RBFOX1: variants seen among roughly 807,000 people sequenced by gnomAD.
RBFOX1 encodes the protein RNA binding fox-1 homolog 1, also known as RNA binding protein fox-1 homolog 1.
In RBFOX1, 8 loss-of-function variants were observed where a neutral mutation model predicts 57.7. The observed-to-expected ratio is 0.14, with a 90% CI of 0.08 to 0.25. The LOEUF (loss-of-function observed/expected upper bound fraction) is 0.25, where lower values mean the gene tolerates loss of function less well. Ranked by LOEUF, RBFOX1 falls within the 10% of genes least tolerant of loss-of-function variation. RBFOX1 has a pLI of 1.00. For missense variants in RBFOX1, 611 were observed against 548.5 expected, an observed-to-expected ratio of 1.11 and a Z score of -1.14; for synonymous variants, 326 against 222.4, an observed-to-expected ratio of 1.47 and a Z score of -4.15.
chr16:6,447,481 A>G (rs1270611196), intron 2 of RBFOX1, among the ~76,000 whole-genome samples: 1 of 152,224 alleles, frequency 6.6e-6, no homozygotes, highest in Admixed American at 6.5e-5. Context: ...ACCTAGAATG[A>G]CTTTCAATCA....
intron 2 of RBFOX1, among the ~76,000 whole-genome samples, chr16:6,359,789 G>C (rs942177395): frequency 5.3e-5 from 8 of 151,968 alleles, no homozygotes; most frequent in Non-Finnish European, 1.2e-4. Flanking sequence ...CTGTGTTTGC[G>C]ACCTGGCATC....
intron 2 of RBFOX1, among the ~76,000 whole-genome samples, chr16:6,630,617 A>G (rs1242910309): frequency 6.6e-6 from 1 of 152,190 alleles, no homozygotes; most frequent in Non-Finnish European, 1.5e-5. Flanking sequence ...GCTAGTAGGA[A>G]TCAGAAACCC....
At chr16:5,612,778 C>G (rs1286312130) in intron 3 of RBFOX1, among the ~76,000 whole-genome samples, 1 of 152,162 alleles carries the variant, frequency 6.6e-6, no homozygotes, top group Non-Finnish European at 1.5e-5. Context: ...TGAGGCCAGG[C>G]CGTGGTGAGG....
chr16:7,353,190 C>T (rs899998875), intron 4 of RBFOX1, among the ~76,000 whole-genome samples: 1 of 152,140 alleles, frequency 6.6e-6, no homozygotes, highest in Admixed American at 6.5e-5. Context: ...TTCACAAAAA[C>T]CATACTTTTC....
chr16:5,944,317 T>G (rs7202046), intron 4 of RBFOX1, among the ~76,000 whole-genome samples: 1 of 151,822 alleles, frequency 6.6e-6, no homozygotes, highest in Non-Finnish European at 1.5e-5. Context: ...GCTTTTGAGG[T>G]TCTGAACGAG....
chr16:6,111,268 A>T (rs544999637), intron 1 of RBFOX1, among the ~76,000 whole-genome samples: 1 of 152,346 alleles, frequency 6.6e-6, no homozygotes, highest in South Asian at 2.1e-4. Context: ...ATTGTTGGAC[A>T]TACAGGTCTC....
intron 1 of RBFOX1, among the ~76,000 whole-genome samples, chr16:6,173,604 C>CTTTTTTTTTTTTTTTTTTTTT (rs35528338): frequency 2.8e-5 from 2 of 70,948 alleles, no homozygotes; most frequent in Admixed American, 2.2e-4. Context: ...TGACCACTCC[C>CTTTTTTTTTTTTTTTTTTTTT]TTTTTTTTTT....
intron 1 of RBFOX1, among the ~76,000 whole-genome samples, chr16:6,244,785 G>A (rs111450788): frequency 3.1e-4 from 47 of 152,326 alleles, no homozygotes; most frequent in African/African-American, 1.1e-3. Flanking sequence ...TGGGATTACA[G>A]GCGTGAGCCA....
intron 3 of RBFOX1, among the ~76,000 whole-genome samples, chr16:6,824,868 T>C (rs920357443): frequency 2.6e-4 from 40 of 151,456 alleles, no homozygotes; most frequent in African/African-American, 9.7e-4. Context: ...ATTTCAAAAG[T>C]GAAATAATTG....
At chr16:5,736,055 G>A (rs904102073) in intron 3 of RBFOX1, among the ~76,000 whole-genome samples, 3 of 152,080 alleles carry the variant, frequency 2.0e-5, no homozygotes, top group African/African-American at 7.2e-5. Context: ...TGACCTTAGA[G>A]TTCACAGGGG....
intron 2 of RBFOX1, among the ~76,000 whole-genome samples, chr16:5,580,971 T>G (rs1160446848): frequency 6.6e-6 from 1 of 152,194 alleles, no homozygotes; most frequent in African/African-American, 2.4e-5. Flanking sequence ...TTTTCCTTTA[T>G]CTCAACTCTT....
chr16:6,131,778 T>C (rs1478940900), intron 1 of RBFOX1, among the ~76,000 whole-genome samples: 2 of 152,204 alleles, frequency 1.3e-5, no homozygotes, highest in Non-Finnish European at 2.9e-5. Context: ...ATCATAGTTA[T>C]GTAATCATCC....
At chr16:7,172,736 G>A (rs569609504) in intron 4 of RBFOX1, among the ~76,000 whole-genome samples, 3 of 152,304 alleles carry the variant, frequency 2.0e-5, no homozygotes, top group East Asian at 1.9e-4. Flanking sequence ...CTACATGGGG[G>A]CTCAGGTGGC....
intron 4 of RBFOX1, among the ~76,000 whole-genome samples, chr16:7,242,313 A>C (rs1161216023): frequency 6.6e-6 from 1 of 152,180 alleles, no homozygotes; most frequent in Non-Finnish European, 1.5e-5. Flanking sequence ...AATAAATAAT[A>C]GGCATGACAT....
At chr16:7,045,527 C>G (rs1272044902) in intron 3 of RBFOX1, among the ~76,000 whole-genome samples, 2 of 152,202 alleles carry the variant, frequency 1.3e-5, no homozygotes, top group African/African-American at 2.4e-5. Context: ...TGCCACTTCA[C>G]ATGGCACAAG....
At chr16:6,099,250 G>A (rs973355913) in intron 1 of RBFOX1, among the ~76,000 whole-genome samples, 11 of 152,204 alleles carry the variant, frequency 7.2e-5, no homozygotes, top group African/African-American at 2.7e-4. Flanking sequence ...TGTGAGTTGA[G>A]CCATAAACAT....
chr16:7,410,556 C>G (rs1299433897), intron 4 of RBFOX1, among the ~76,000 whole-genome samples: 2 of 152,166 alleles, frequency 1.3e-5, no homozygotes, highest in East Asian at 1.9e-4. Flanking sequence ...TGGTGCGTGC[C>G]TGTAATCCCA....
At chr16:6,906,209 C>A (rs1465758581) in intron 3 of RBFOX1, among the ~76,000 whole-genome samples, 4 of 151,476 alleles carry the variant, frequency 2.6e-5, no homozygotes, top group Non-Finnish European at 5.9e-5. Context: ...AGGTGCCCAT[C>A]CTATGGGCAA....
At chr16:7,446,488 A>G (rs900053274) in intron 4 of RBFOX1, among the ~76,000 whole-genome samples, 1 of 152,192 alleles carries the variant, frequency 6.6e-6, no homozygotes, top group African/African-American at 2.4e-5. Context: ...CCGCTGAGCT[A>G]TGTTTTAATG....
Sources: gnomAD v4.1 joint callset for allele counts (sites outside exome capture counted in the v4.1 genomes callset) on GRCh38, gnomAD v4.1.1 for gene constraint, MANE v1.5 for transcripts, NCBI Gene and HGNC (gene_info 2026-07-23, HGNC 2026-07-21) for gene names.